CGNL1: variants seen among roughly 807,000 people sequenced by gnomAD.
CGNL1 encodes cingulin like 1, also known as cingulin-like protein 1.
Under a neutral mutation model 141.2 loss-of-function variants are expected in CGNL1, and 132 were observed. The observed-to-expected ratio is 0.93, with a 90% CI of 0.81 to 1.08. The LOEUF (loss-of-function observed/expected upper bound fraction) is 1.08, where lower values mean the gene tolerates loss of function less well. Ranked by LOEUF, CGNL1 falls within the 50% of genes least tolerant of loss-of-function variation. CGNL1 has a pLI of 0.00. For synonymous variants in CGNL1, 690 were observed against 622.1 expected (o/e 1.11, Z -1.63); for missense variants, 1,870 against 1,588.6 (o/e 1.18, Z -3.01).
chr15:57,416,575 G>A (rs1355834379), intron 1 of CGNL1, among the ~76,000 whole-genome samples: 1 of 152,128 alleles, frequency 6.6e-6, no homozygotes, highest in Non-Finnish European at 1.5e-5. Context: ...TTTTGAATTT[G>A]TGTTGCTCCA....
At chr15:57,477,084 A>G (rs991116151) in intron 8 of CGNL1, among the ~76,000 whole-genome samples, 10 of 152,216 alleles carry the variant, frequency 6.6e-5, no homozygotes, top group Admixed American at 2.0e-4. Context: ...GGGAAGGAAT[A>G]CTGGCAGTCT....
Position 57,440,393 on chromosome 15 carries a change from TA to T in CGNL1, c.1622del (p.Lys541ArgfsTer48). ...ASNTQATPDL[L>X]KGQQELTQQT... is the part of the protein sequence containing the mutation. ...ATGTTCCAGGCCACACCGGATCTCTTAAAGGGCCAGCAAGAGCTCACTCAGC... is the reference window on the plus strand; with the variant it reads ...ATGTTCCAGGCCACACCGGATCTCTTAAGGGCCAGCAAGAGCTCACTCAGC... On this transcript the variant is annotated frameshift_variant, in exon 3 of 19. Coordinates refer to ENST00000281282, the MANE Select transcript of CGNL1 (RefSeq NM_032866.5). LOFTEE classifies it high-confidence loss of function. 2 of 1,601,510 alleles carry T rather than the reference TA, an allele frequency of 1.2e-6. No homozygotes were observed. Among genetic ancestry groups the T allele is most frequent in the South Asian group, 1.1e-5 (1 of 88,174 alleles).
intron 8 of CGNL1, among the ~76,000 whole-genome samples, chr15:57,469,018 A>G (rs1201840283): frequency 2.0e-5 from 3 of 152,112 alleles, no homozygotes; most frequent in African/African-American, 7.2e-5. Context: ...TTTCTTTTGT[A>G]AATTGCCCAG....
At chr15:57,491,295 G>C (rs753387367) in intron 8 of CGNL1, among the ~76,000 whole-genome samples, 1 of 152,072 alleles carries the variant, frequency 6.6e-6, no homozygotes, top group Non-Finnish European at 1.5e-5. Flanking sequence ...TTTTCGTTTA[G>C]AAAAACCTAC....
chr15:57,435,154 T>C (rs774776683), intron 1 of CGNL1, among the ~76,000 whole-genome samples: 2 of 152,114 alleles, frequency 1.3e-5, no homozygotes, highest in Non-Finnish European at 2.9e-5. Flanking sequence ...TCATTAACGC[T>C]AGAAAAGTAA....
At chr15:57,400,522 A>G (rs1007685815) in intron 1 of CGNL1, among the ~76,000 whole-genome samples, 1 of 152,188 alleles carries the variant, frequency 6.6e-6, no homozygotes, top group African/African-American at 2.4e-5. Flanking sequence ...TTCACAGCAC[A>G]CACAGCTTTG....
chr15:57,469,210 G>A (rs143713662), intron 8 of CGNL1, among the ~76,000 whole-genome samples: 2 of 152,098 alleles, frequency 1.3e-5, no homozygotes, highest in South Asian at 2.1e-4. Flanking sequence ...ATGAATTGGG[G>A]TGAGGAGGAA....
Position 57,509,299 on chromosome 15 carries a change from G to A in CGNL1, c.2404-7481G>A, listed in dbSNP as rs548793456. Among the ~76,000 whole-genome samples, 36 of 152,314 alleles carry A rather than the reference G, an allele frequency of 2.4e-4. No homozygotes were observed. In the South Asian group the frequency reaches 7.3e-3, roughly 31 times the overall value. The stretch of plus-strand genomic sequence containing the variant: ...CAACATTCCATTCTCTGGATGTCCC[G>A]GCCTCCACGCCTCAGCTGTTTTCAC... On this transcript the variant is annotated intron_variant, in intron 8 of 18. Coordinates refer to ENST00000281282, the MANE Select transcript of CGNL1 (RefSeq NM_032866.5).
chr15:57,518,857 T>C (rs980934898), intron 10 of CGNL1, among the ~76,000 whole-genome samples: 2 of 152,236 alleles, frequency 1.3e-5, no homozygotes, highest in Non-Finnish European at 2.9e-5. Context: ...GCCCTCCGTT[T>C]AGACGTTAAA....
intron 8 of CGNL1, among the ~76,000 whole-genome samples, chr15:57,481,835 C>T (rs1450240313): frequency 6.6e-6 from 1 of 152,120 alleles, no homozygotes; most frequent in Non-Finnish European, 1.5e-5. Context: ...AAAGAACCTG[C>T]AAAACTACTC....
intron 8 of CGNL1, among the ~76,000 whole-genome samples, chr15:57,469,484 C>A (rs545640274): frequency 6.6e-6 from 1 of 151,630 alleles, no homozygotes; most frequent in Non-Finnish European, 1.5e-5. Context: ...GAAGCAGCCA[C>A]ATCCAGTGAC....
intron 14 of CGNL1, among the ~76,000 whole-genome samples, chr15:57,541,803 C>T (rs1334289167): frequency 3.9e-5 from 6 of 152,206 alleles, no homozygotes; most frequent in Admixed American, 3.9e-4. Context: ...CTGCCGTAGG[C>T]CTCAGTTTCC....
At chr15:57,489,908 A>G (rs956833198) in intron 8 of CGNL1, among the ~76,000 whole-genome samples, 1 of 152,176 alleles carries the variant, frequency 6.6e-6, no homozygotes, top group African/African-American at 2.4e-5. Flanking sequence ...AATTAGAGAG[A>G]TTGTGAGGAA....
intron 8 of CGNL1, among the ~76,000 whole-genome samples, chr15:57,501,163 C>T (rs982126974): frequency 6.6e-6 from 1 of 152,176 alleles, no homozygotes; most frequent in Non-Finnish European, 1.5e-5. Flanking sequence ...GATGGAGGCC[C>T]TGCCCAGAAG....
At chr15:57,405,358 C>G (rs911075539) in intron 1 of CGNL1, among the ~76,000 whole-genome samples, 1 of 152,214 alleles carries the variant, frequency 6.6e-6, no homozygotes, top group African/African-American at 2.4e-5. Context: ...TGTCTGATTT[C>G]TCCCATCACT....
intron 16 of CGNL1, among the ~76,000 whole-genome samples, chr15:57,545,384 C>G (rs1296468598): frequency 6.6e-6 from 1 of 152,220 alleles, no homozygotes; most frequent in Non-Finnish European, 1.5e-5. Context: ...GCTCTGAAGC[C>G]TTGGGCCAGT....
intron 8 of CGNL1, among the ~76,000 whole-genome samples, chr15:57,493,527 C>G (rs1377901584): frequency 3.3e-5 from 5 of 152,196 alleles, no homozygotes; most frequent in African/African-American, 9.7e-5. Flanking sequence ...TGGTCAGAAA[C>G]AAGGGATTAA....
intron 6 of CGNL1, among the ~76,000 whole-genome samples, chr15:57,452,603 G>C (rs2063334988): frequency 1.3e-5 from 2 of 152,202 alleles, no homozygotes; most frequent in Admixed American, 6.5e-5. Flanking sequence ...GAAAGACAGA[G>C]TTCAAGGAGC....
intron 1 of CGNL1, among the ~76,000 whole-genome samples, chr15:57,391,705 A>C (rs1195907623): frequency 6.6e-6 from 1 of 152,252 alleles, no homozygotes. Flanking sequence ...AGAAGTCCAA[A>C]GTCTGGGCTG....
Sources: allele counts gnomAD v4.1 joint callset (sites outside exome capture counted in the v4.1 genomes callset), GRCh38; gene constraint gnomAD v4.1.1; transcripts MANE v1.5; gene names NCBI Gene and HGNC (gene_info 2026-07-23, HGNC 2026-07-21).